Variants in SLC25A21 observed in about 807,000 individuals in gnomAD.
The protein encoded by SLC25A21 is mitochondrial 2-oxodicarboxylate carrier.
SLC25A21 carries 47 observed loss-of-function variants against 43.8 expected under a neutral mutation model. The ratio of observed to expected loss-of-function variants is 1.07; its 90% CI spans 0.85 to 1.37. The LOEUF (loss-of-function observed/expected upper bound fraction) is 1.37, where lower values mean the gene tolerates loss of function less well. SLC25A21 is among the 40% of genes most tolerant of loss of function. The pLI is 0.00. For missense variants in SLC25A21, 352 were observed against 350.2 expected, an observed-to-expected ratio of 1.00 and a Z score of -0.04; for synonymous variants, 131 against 121.3, an observed-to-expected ratio of 1.08 and a Z score of -0.52.
At chr14:37,058,258 T>C (rs1378376507) in intron 1 of SLC25A21, among the ~76,000 whole-genome samples, 5 of 152,216 alleles carry the variant, frequency 3.3e-5, no homozygotes, top group African/African-American at 1.2e-4. Context: ...ACACAGTTCA[T>C]ACTACCTACC....
rs927775129 is a variant in SLC25A21, at chr14:36,993,551, C to T, written c.71-118547G>A. On this transcript the variant is annotated intron_variant, in intron 1 of 9. Transcript: ENST00000331299. ...AAATTGGAGACATATATCATTAAAA[C>T]TAGAATTAATTTTAGAGTTAGTGAC... Among the ~76,000 whole-genome samples, 10 of 152,214 alleles carry T rather than the reference C, an allele frequency of 6.6e-5. No individual in the cohort carries two copies. The South Asian group carries it at 1.2e-3, about 19-fold the overall frequency.
At chr14:36,835,644 G>T (rs553858246) in intron 2 of SLC25A21, among the ~76,000 whole-genome samples, 1 of 152,210 alleles carries the variant, frequency 6.6e-6, no homozygotes, top group Admixed American at 6.5e-5. Context: ...AACACACAAG[G>T]ACCCTAATAT....
At chr14:36,999,156 C>A (rs10148776) in intron 1 of SLC25A21, among the ~76,000 whole-genome samples, 44,735 of 151,842 alleles carry the variant, frequency 0.29, 6,665 homozygotes, top group African/African-American at 0.32. Context: ...TGAATGGATA[C>A]ATAAACTGTG....
Position 36,825,481 on chromosome 14 carries a change from G to A in SLC25A21, c.120-11480C>T, listed in dbSNP as rs1594620806. On this transcript the variant is annotated intron_variant, in intron 2 of 9. Transcript: ENST00000331299. ...CAGGCCCAACTTGTCCATAGAACTT[G>A]AACAAGAAAACTATGCTTCACTAAT... Among the ~76,000 whole-genome samples, 4 of 152,230 alleles carry A rather than the reference G, an allele frequency of 2.6e-5. No homozygotes were observed. In the South Asian group the frequency reaches 8.3e-4, roughly 32 times the overall value.
rs561923009 is a variant in SLC25A21, at chr14:36,891,860, T to C, written c.71-16856A>G. On this transcript the variant is annotated intron_variant, in intron 1 of 9. Coordinates refer to ENST00000331299, the MANE Select transcript of SLC25A21 (RefSeq NM_030631.4). ...AAATGACAAAGAATAGTCTAGGGGA[T>C]TGTGGAGCAACCAGTGGCAGGAACC... is the stretch of plus-strand genomic sequence containing the variant. Among the ~76,000 whole-genome samples, 5 of 152,242 alleles carry C rather than the reference T, an allele frequency of 3.3e-5. No individual in the cohort carries two copies. The South Asian group carries it at 8.3e-4, about 25-fold the overall frequency.
intron 1 of SLC25A21, among the ~76,000 whole-genome samples, chr14:37,158,563 C>T (rs1237284271): frequency 6.6e-6 from 1 of 151,984 alleles, no homozygotes; most frequent in African/African-American, 2.4e-5. Context: ...AATAACTAGG[C>T]ATATAAGGAA....
At chr14:37,011,157 G>C (rs1458961932) in intron 1 of SLC25A21, among the ~76,000 whole-genome samples, 2 of 152,152 alleles carry the variant, frequency 1.3e-5, no homozygotes, top group African/African-American at 4.8e-5. Context: ...AAACTGCGGG[G>C]CTTACAGGTA....
At chr14:36,840,866 G>A (rs1231011328) in intron 2 of SLC25A21, among the ~76,000 whole-genome samples, 1 of 152,172 alleles carries the variant, frequency 6.6e-6, no homozygotes, top group Non-Finnish European at 1.5e-5. Context: ...AGCGGCAGCT[G>A]CTATATTTGT....
intron 1 of SLC25A21, among the ~76,000 whole-genome samples, chr14:37,162,195 T>C (rs558239701): frequency 5.9e-5 from 9 of 152,050 alleles, no homozygotes; most frequent in Non-Finnish European, 7.4e-5. Flanking sequence ...TTCTGAAAAT[T>C]TTCTCCCATT....
intron 1 of SLC25A21, among the ~76,000 whole-genome samples, chr14:37,031,467 A>G (rs1449631154): frequency 6.6e-6 from 1 of 152,232 alleles, no homozygotes. Flanking sequence ...CATCTATAAT[A>G]AAACTTCAGT....
At chr14:37,082,983 T>C (rs1383846250) in intron 1 of SLC25A21, among the ~76,000 whole-genome samples, 1 of 152,218 alleles carries the variant, frequency 6.6e-6, no homozygotes, top group East Asian at 1.9e-4. Context: ...AGTATTATTG[T>C]CTAAAGTTCA....
chr14:36,873,484 C>T (rs1014043758), intron 2 of SLC25A21, among the ~76,000 whole-genome samples: 5 of 151,790 alleles, frequency 3.3e-5, no homozygotes, highest in Non-Finnish European at 5.9e-5. Context: ...TTAGTAGAGA[C>T]GGGGTTTCAC....
chr14:36,717,007 G>A lies in SLC25A21; in HGVS notation c.439-5525C>T, dbSNP rs549610088. Among the ~76,000 whole-genome samples, 248 of 152,112 alleles carry A rather than the reference G, an allele frequency of 1.6e-3. 1 individual carries two copies. Among genetic ancestry groups the A allele is most frequent in the South Asian group, 3.7e-3 (18 of 4,814 alleles). On this transcript the variant is annotated intron_variant, in intron 6 of 9. Transcript: ENST00000331299. ...TCATCACATAGCTGGAAAGCAAACC[G>A]GATGAGACTACACAATGGAGTGAGT...
chr14:37,102,867 C>T (rs1173238208), intron 1 of SLC25A21, among the ~76,000 whole-genome samples: 4 of 151,930 alleles, frequency 2.6e-5, no homozygotes, highest in Non-Finnish European at 5.9e-5. Flanking sequence ...CACCTGTAAT[C>T]CCAGCTACTC....
intron 1 of SLC25A21, among the ~76,000 whole-genome samples, chr14:37,117,041 C>T (rs957180725): frequency 6.6e-6 from 1 of 152,092 alleles, no homozygotes; most frequent in African/African-American, 2.4e-5. Context: ...TACAACTTTA[C>T]GTGGTAGCAT....
chr14:36,798,660 G>C (rs1412626539), intron 3 of SLC25A21, among the ~76,000 whole-genome samples: 1 of 152,008 alleles, frequency 6.6e-6, no homozygotes, highest in South Asian at 2.1e-4. Flanking sequence ...TTCTTAGAAG[G>C]CTGGTAAAGA....
intron 3 of SLC25A21, among the ~76,000 whole-genome samples, chr14:36,741,886 C>A (rs1027158475): frequency 6.6e-6 from 1 of 152,194 alleles, no homozygotes; most frequent in East Asian, 1.9e-4. Context: ...TAACAGAGTA[C>A]AATTACTACA....
chr14:36,787,212 T>A (rs1252315519), intron 3 of SLC25A21, among the ~76,000 whole-genome samples: 1 of 152,134 alleles, frequency 6.6e-6, no homozygotes, highest in East Asian at 1.9e-4. Context: ...AAGAGGCCAT[T>A]GAGATAGAGT....
At chr14:36,904,049 T>C (rs1466211986) in intron 1 of SLC25A21, among the ~76,000 whole-genome samples, 1 of 152,250 alleles carries the variant, frequency 6.6e-6, no homozygotes, top group African/African-American at 2.4e-5. Context: ...CTGCTTTTCC[T>C]ATGACTGAAT....
Sources: allele counts gnomAD v4.1 joint callset (sites outside exome capture counted in the v4.1 genomes callset), GRCh38; gene constraint gnomAD v4.1.1; transcripts MANE v1.5; gene names NCBI Gene and HGNC (gene_info 2026-07-23, HGNC 2026-07-21).